The following MALRD1 variants were observed in gnomAD, a reference collection of about 807,000 sequenced individuals.
MALRD1 encodes MAM and LDL receptor class A domain containing 1.
A neutral mutation model predicts 242.1 loss-of-function variants in MALRD1; 247 were observed. The ratio of observed to expected loss-of-function variants is 1.02; its 90% CI spans 0.92 to 1.13. The LOEUF is 1.13. Among genes scored for constraint, MALRD1 ranks in the 50% most tolerant of loss-of-function variants. The pLI is 0.00. For synonymous variants in MALRD1, 995 were observed against 866.6 expected (o/e 1.15, Z -2.60); for missense variants, 2,989 against 2,533.1 (o/e 1.18, Z -3.86).
chr10:19,611,531 T>TA lies in MALRD1; in HGVS notation c.6070+3631dup, dbSNP rs1346082337. Among the ~76,000 whole-genome samples the TA allele has an allele frequency of 2.0e-4, 31 of 152,130 alleles. 1 individual carries two copies. Among genetic ancestry groups the TA allele is most frequent in the Admixed American group, 1.9e-3 (29 of 15,256 alleles). ...GTATTGGCCTCCATACACATATTCA[T>TA]AATAACCAACACAAAGGGGTACAAA... is the stretch of plus-strand genomic sequence containing the variant. On this transcript the variant is annotated intron_variant, in intron 35 of 39. Transcript: ENST00000454679.
intron 31 of MALRD1, among the ~76,000 whole-genome samples, chr10:19,499,317 G>A (rs1258276737): frequency 6.6e-6 from 1 of 152,022 alleles, no homozygotes; most frequent in Non-Finnish European, 1.5e-5. Context: ...TAAGATATTT[G>A]TGATGCTAAT....
intron 28 of MALRD1, 58 bp from the exon 29 acceptor site, chr10:19,450,249 C>G (rs1589097379): frequency 7.0e-7 from 1 of 1,437,228 alleles, no homozygotes; most frequent in East Asian, 2.5e-5. Flanking sequence ...TTGCCCCACA[C>G]TGCATCATCT....
At chr10:19,606,564 G>C (rs1393648184) in intron 34 of MALRD1, among the ~76,000 whole-genome samples, 1 of 152,102 alleles carries the variant, frequency 6.6e-6, no homozygotes, top group Non-Finnish European at 1.5e-5. Context: ...AATCTATCCA[G>C]ACTTTCTGAC....
intron 28 of MALRD1, among the ~76,000 whole-genome samples, chr10:19,433,217 T>C (rs920890504): frequency 6.6e-6 from 1 of 152,046 alleles, no homozygotes; most frequent in African/African-American, 2.4e-5. Flanking sequence ...GCTCGCAGAG[T>C]GTATGGCAGG....
At chr10:19,300,391 G>T (rs935134668) in intron 21 of MALRD1, among the ~76,000 whole-genome samples, 1 of 151,882 alleles carries the variant, frequency 6.6e-6, no homozygotes, top group African/African-American at 2.4e-5. Context: ...AATCAAAAAA[G>T]AGCCTGAATA....
chr10:19,401,881 T>A (rs943552138), intron 28 of MALRD1, among the ~76,000 whole-genome samples: 5 of 152,204 alleles, frequency 3.3e-5, no homozygotes, highest in Admixed American at 6.5e-5. Context: ...TTGTCTTGTG[T>A]ACTTTTTATG....
At chr10:19,578,033 C>T (rs1157046678) in intron 33 of MALRD1, among the ~76,000 whole-genome samples, 1 of 152,112 alleles carries the variant, frequency 6.6e-6, no homozygotes, top group Non-Finnish European at 1.5e-5. Flanking sequence ...CCCTGGAACA[C>T]ATATGTTGTT....
intron 26 of MALRD1, among the ~76,000 whole-genome samples, chr10:19,371,260 A>T (rs1845363364): frequency 6.6e-6 from 1 of 152,050 alleles, no homozygotes; most frequent in Non-Finnish European, 1.5e-5. Flanking sequence ...TAAAAAACAA[A>T]AGAAAAGAAG....
At chr10:19,530,447 T>C (rs1422505461) in intron 31 of MALRD1, among the ~76,000 whole-genome samples, 1 of 54,534 alleles carries the variant, frequency 1.8e-5, no homozygotes, top group Non-Finnish European at 5.8e-5. Flanking sequence ...TAATATATAA[T>C]ATATAATATA....
chr10:19,627,507 T>C (rs1839706388), intron 36 of MALRD1, among the ~76,000 whole-genome samples: 1 of 151,814 alleles, frequency 6.6e-6, no homozygotes, highest in Non-Finnish European at 1.5e-5. Context: ...GGAGGCCAGG[T>C]AGAGTGGATT....
At chr10:19,587,292 G>A (rs951656977) in intron 33 of MALRD1, among the ~76,000 whole-genome samples, 1 of 152,196 alleles carries the variant, frequency 6.6e-6, no homozygotes, top group African/African-American at 2.4e-5. Flanking sequence ...TAAAATGCCT[G>A]CCAGAGACAG....
chr10:19,731,100 C>G (rs930731492), intron 39 of MALRD1, among the ~76,000 whole-genome samples: 1 of 152,150 alleles, frequency 6.6e-6, no homozygotes, highest in Non-Finnish European at 1.5e-5. Context: ...GAGTATTAGT[C>G]AGCTGCTTAC....
chr10:19,503,105 C>G (rs1414923988), intron 31 of MALRD1, among the ~76,000 whole-genome samples: 2 of 152,148 alleles, frequency 1.3e-5, no homozygotes, highest in Admixed American at 6.6e-5. Context: ...CCTTGTTAAT[C>G]ACTACTTGAG....
intron 1 of MALRD1, among the ~76,000 whole-genome samples, chr10:19,054,269 T>C (rs1028163133): frequency 1.6e-4 from 24 of 152,198 alleles, no homozygotes; most frequent in African/African-American, 5.8e-4. Context: ...AATTGACAAG[T>C]TATAATTGTA....
Position 19,323,945 on chromosome 10 carries a change from C to T in MALRD1, c.3420-4C>T, listed in dbSNP as rs748707162. 3.9e-6 allele frequency: 6 copies of T among 1,550,176 alleles called. No individual in the cohort carries two copies. The highest frequency in any genetic ancestry group is 3.9e-5 in the Admixed American group (2 of 50,954). On this transcript the variant is annotated splice_region_variant and splice_polypyrimidine_tract_variant and intron_variant, in intron 21 of 39. Coordinates refer to ENST00000454679, the MANE Select transcript of MALRD1 (RefSeq NM_001142308.3). ...TTTTATAATATGATAAATTCCTTTT[C>T]CAGAAATACCACTGATGGCTGGTAC...
intron 32 of MALRD1, among the ~76,000 whole-genome samples, chr10:19,547,525 C>G (rs1229223309): frequency 6.6e-6 from 1 of 151,054 alleles, no homozygotes; most frequent in East Asian, 1.9e-4. Context: ...TTTTTTAATC[C>G]CACAAAAGAA....
chr10:19,217,831 C>A (rs369569921), intron 18 of MALRD1, among the ~76,000 whole-genome samples: 1 of 152,088 alleles, frequency 6.6e-6, no homozygotes, highest in South Asian at 2.1e-4. Context: ...ATCAATCATG[C>A]GGTCTTTATA....
At chr10:19,074,044 A>G (rs1458074496) in intron 2 of MALRD1, among the ~76,000 whole-genome samples, 1 of 152,116 alleles carries the variant, frequency 6.6e-6, no homozygotes, top group African/African-American at 2.4e-5. Context: ...AGGCGATGAC[A>G]CAGAAGTCTA....
At chr10:19,185,848 T>A (rs910196771) in intron 14 of MALRD1, among the ~76,000 whole-genome samples, 44 of 152,024 alleles carry the variant, frequency 2.9e-4, no homozygotes, top group Non-Finnish European at 4.6e-4. Context: ...TGTGTGTTAG[T>A]CTTTGAATTA....
Sources: gnomAD v4.1 joint callset for allele counts (sites outside exome capture counted in the v4.1 genomes callset) on GRCh38, gnomAD v4.1.1 for gene constraint, MANE v1.5 for transcripts, NCBI Gene and HGNC (gene_info 2026-07-23, HGNC 2026-07-21) for gene names.